The following SARM1 variants were observed in gnomAD, a reference collection of about 807,000 sequenced individuals.
The protein encoded by SARM1 is sterile alpha and TIR motif containing 1, also known as NAD(+) hydrolase SARM1.
In SARM1, 60 loss-of-function variants were observed where a neutral mutation model predicts 65.1. The observed-to-expected ratio is 0.92, with a 90% CI of 0.75 to 1.14. The LOEUF (loss-of-function observed/expected upper bound fraction) is 1.14, where lower values mean the gene tolerates loss of function less well. Among genes scored for constraint, SARM1 ranks in the 50% most tolerant of loss-of-function variants. SARM1 has a pLI of 0.00. For missense variants in SARM1, 913 were observed against 1,015.7 expected (o/e 0.90, Z 1.37); for synonymous variants, 417 against 465.4 (o/e 0.90, Z 1.34).
chr17:28,397,247 C>G lies in SARM1; in HGVS notation c.*961C>G, dbSNP rs1202805090. 1 of 152,582 alleles carries G rather than the reference C, an allele frequency of 6.6e-6. No homozygotes were observed. The highest frequency in any genetic ancestry group is 1.5e-5 in the Non-Finnish European group (1 of 68,092). The allele number at this position is 152,582 out of a possible 1,614,324, so 9.5% of individuals were successfully genotyped here. On this transcript the variant is annotated 3_prime_UTR_variant, in exon 9 of 9. Coordinates refer to ENST00000585482, the MANE Select transcript of SARM1 (RefSeq NM_015077.4). The stretch of plus-strand genomic sequence containing the variant: ...AAAGGCAAAGGGTTGTCACTTAGGG[C>G]AGCTTCTCCAACTTTAACATGCATC...
rs2068210927 is a variant in SARM1, at chr17:28,402,621, GCAGGGCA to G, written c.*6339_*6345del. ...CCACTTGGCACTTAGTAGGGATATGGCAGGGCACAGAAAACAAGCATGGGCTTTGGAG... is the reference window on the plus strand; with the variant it reads ...CCACTTGGCACTTAGTAGGGATATGGCAGAAAACAAGCATGGGCTTTGGAG... On this transcript the variant is annotated 3_prime_UTR_variant, in exon 9 of 9. Transcript: ENST00000585482. 2 of 266,754 alleles carry G rather than the reference GCAGGGCA, an allele frequency of 7.5e-6. No individual in the cohort carries two copies. 16.5% of individuals were successfully genotyped at this position (266,754 alleles called of 1,614,324 possible).
At chr17:28,389,921 C>A (rs1555586660) in intron 7 of SARM1, among the ~76,000 whole-genome samples, 1 of 152,124 alleles carries the variant, frequency 6.6e-6, no homozygotes, top group Non-Finnish European at 1.5e-5. Flanking sequence ...GCCAGGTAAG[C>A]AAACATCTTG....
In SARM1 at chr17:28,372,008, G is replaced by T. The variant is rs2067957607; in HGVS notation, c.-25G>T. On this transcript the variant is annotated 5_prime_UTR_variant, in exon 1 of 9. Transcript: ENST00000585482. The surrounding 1 kb of genome is among the most constrained non-coding windows in gnomAD (Gnocchi z 5.2). ...CCGCGTGGCCCCGCCTCCAGGCCGG[G>T]GATGTCCCCCGCGGCCCCGCGCCCA... The T allele has an allele frequency of 2.1e-6, 3 of 1,459,064 alleles. No individual in the cohort carries two copies. The highest frequency in any genetic ancestry group is 5.8e-5 in the East Asian group (2 of 34,584). The allele number at this position is 1,459,064 out of a possible 1,614,324, so 90.4% of individuals were successfully genotyped here. A position where few individuals can be genotyped will look rare whatever the true frequency, so the allele number is the denominator to read the frequency against.
intron 1 of SARM1, chr17:28,374,136 G>A (rs990352122): frequency 1.3e-5 from 2 of 151,916 alleles, no homozygotes; most frequent in African/African-American, 4.8e-5. Flanking sequence ...AATTAGCTGG[G>A]CATGGTGGCG....
chr17:28,384,749 C>T lies in SARM1; in HGVS notation c.1303-90C>T. On this transcript the variant is annotated intron_variant, in intron 3 of 8. Coordinates refer to ENST00000585482, the MANE Select transcript of SARM1 (RefSeq NM_015077.4). The surrounding 1 kb of genome is among the most constrained non-coding windows in gnomAD (Gnocchi z 4.4). ...ATCTAGGTCCCATCCGCCTCCTCCA[C>T]GCCATCTCCAGTTCCTTCCCTTGCA... 3 of 1,322,474 alleles carry T rather than the reference C, an allele frequency of 2.3e-6. No homozygotes were observed. The highest frequency in any genetic ancestry group is 2.5e-5 in the East Asian group (1 of 39,792). The allele number at this position is 1,322,474 out of a possible 1,614,324, so 81.9% of individuals were successfully genotyped here.
In SARM1 at chr17:28,384,611, C is replaced by A. The variant is rs370563971; in HGVS notation, c.1302+42C>A. On this transcript the variant is annotated intron_variant, in intron 3 of 8. Transcript: ENST00000585482. The surrounding 1 kb of genome is among the most constrained non-coding windows in gnomAD (Gnocchi z 4.4). ...TACGCCTCCCCCGAGTCAGAGCGGGCGCCCTGTGCACAGGGACTGCGTTCC... is the reference window on the plus strand; with the variant it reads ...TACGCCTCCCCCGAGTCAGAGCGGGAGCCCTGTGCACAGGGACTGCGTTCC... 3 of 1,518,274 alleles carry A rather than the reference C, an allele frequency of 2.0e-6. No individual in the cohort carries two copies. The highest frequency in any genetic ancestry group is 2.7e-6 in the Non-Finnish European group (3 of 1,124,108). The allele number at this position is 1,518,274 out of a possible 1,614,324, so 94.1% of individuals were successfully genotyped here.
intron 1 of SARM1, among the ~76,000 whole-genome samples, chr17:28,377,260 T>C (rs2067997184): frequency 6.6e-6 from 1 of 152,144 alleles, no homozygotes; most frequent in South Asian, 2.1e-4. Context: ...GGGCATGTCA[T>C]GTACCCTCTC....
intron 7 of SARM1, among the ~76,000 whole-genome samples, chr17:28,390,119 G>T (rs1033231663): frequency 6.6e-6 from 1 of 152,192 alleles, no homozygotes; most frequent in Non-Finnish European, 1.5e-5. Context: ...ATACATTTAA[G>T]ATGTACATTG....
At position 28,384,861 on chromosome 17, in the gene SARM1, T is replaced by C; in HGVS notation, c.1325T>C (p.Leu442Pro). The change falls in exon 4 of 9, where the codon CTG becomes CCG. Residue 442 changes from leucine (L) to proline (P), a missense_variant. Leu to Pro is a moderately conservative substitution (Grantham distance 98). Transcript: ENST00000585482. This position sits in a 1 kb window ranked among gnomAD's most constrained non-coding sequence, Gnocchi z 4.4. ...CAGGAGCAGCAGGTGGATGGCGACCTGCTTCTGCGGCTCACGGAGGAGGAA... is the reference window on the plus strand; with the variant it reads ...CAGGAGCAGCAGGTGGATGGCGACCCGCTTCTGCGGCTCACGGAGGAGGAA... ...SFREQQVDGD[L>P]LLRLTEEELQ... The C allele has an allele frequency of 1.9e-6, 3 of 1,555,746 alleles. No individual in the cohort carries two copies. Among genetic ancestry groups the C allele is most frequent in the Non-Finnish European group, 8.7e-7 (1 of 1,149,406 alleles).
rs2068176007 is a variant in SARM1 at position 28,399,928 on chromosome 17, C to T, written c.*3642C>T. 1.8e-6 allele frequency: 1 copy of T among 550,436 alleles called. No individual in the cohort carries two copies. Among genetic ancestry groups the T allele is most frequent in the African/African-American group, 1.9e-5 (1 of 52,678 alleles). The allele number at this position is 550,436 out of a possible 1,614,324, so 34.1% of individuals were successfully genotyped here. ...TTTTTTTAAGAGACAGGGTCTTGCTCTGTTGTCCAGGCTGGAGGGCAGTGA... is the reference window on the plus strand; with the variant it reads ...TTTTTTTAAGAGACAGGGTCTTGCTTTGTTGTCCAGGCTGGAGGGCAGTGA... On this transcript the variant is annotated 3_prime_UTR_variant, in exon 9 of 9. Coordinates refer to ENST00000585482, the MANE Select transcript of SARM1 (RefSeq NM_015077.4).
chr17:28,388,598 G>A, intron 7 of SARM1, 59 bp downstream of exon 7: 3 of 1,536,032 alleles, frequency 2.0e-6, no homozygotes, highest in South Asian at 1.2e-5. Flanking sequence ...AGAAGATAGG[G>A]TCGTCTTCTA....
rs1555585836 is a variant in SARM1, at chr17:28,385,160, G to A, written c.1515G>A (p.Leu505=). 6 of 1,612,176 alleles carry A rather than the reference G, an allele frequency of 3.7e-6. No individual in the cohort carries two copies. Among genetic ancestry groups the A allele is most frequent in the Non-Finnish European group, 4.2e-6 (5 of 1,179,566 alleles). ...DPRFRQYTYG[L]VSCGLDRSLL... ...GCTTCCGCCAGTACACCTACGGCCT[G>A]GTCAGCTGCGGCCTGGACCGCTCCC... The change falls in exon 5 of 9, where the codon CTG becomes CTA. Residue 505 remains leucine, a synonymous_variant. Coordinates refer to ENST00000585482, the MANE Select transcript of SARM1 (RefSeq NM_015077.4). This position sits in a 1 kb window ranked among gnomAD's most constrained non-coding sequence, Gnocchi z 4.5.
At chr17:28,375,915 G>GA in intron 1 of SARM1, among the ~76,000 whole-genome samples, 1 of 152,302 alleles carries the variant, frequency 6.6e-6, no homozygotes, top group East Asian at 1.9e-4. Flanking sequence ...CTTCCAGAGA[G>GA]AGTCTCTGCA....
rs1190864414 is a variant in SARM1 at position 28,372,696 on chromosome 17, C to T, written c.470+194C>T. ...CCTTGGGAAAGTTTAGTGACTTGCT[C>T]AGTGGATCACAGTGAACTAAGATTT... On this transcript the variant is annotated intron_variant, in intron 1 of 8. Transcript: ENST00000585482. This position sits in a 1 kb window ranked among gnomAD's most constrained non-coding sequence, Gnocchi z 5.2. 6.6e-6 allele frequency among the ~76,000 whole-genome samples: 1 copy of T among 152,204 alleles called. No homozygotes were observed. The highest frequency in any genetic ancestry group is 1.5e-5 in the Non-Finnish European group (1 of 68,048).
In SARM1 at chr17:28,371,941, C is replaced by T; in HGVS notation, c.-92C>T. The T allele has an allele frequency of 4.3e-6, 4 of 940,626 alleles. No homozygotes were observed. Among genetic ancestry groups the T allele is most frequent in the Non-Finnish European group, 4.4e-6 (3 of 679,468 alleles). 58.3% of individuals were successfully genotyped at this position (940,626 alleles called of 1,614,324 possible). ...TTCCTCCCCCTCCATCTTCTTTCCC[C>T]GACCCCTCTCGGGTCCCTCTTTTCC... On this transcript the variant is annotated 5_prime_UTR_variant, in exon 1 of 9. Coordinates refer to ENST00000585482, the MANE Select transcript of SARM1 (RefSeq NM_015077.4).
In SARM1 at chr17:28,384,608, G is replaced by C. The variant is rs560564309; in HGVS notation, c.1302+39G>C. 129 of 1,527,998 alleles carry C rather than the reference G, an allele frequency of 8.4e-5. 1 individual carries two copies. In the South Asian group the frequency reaches 1.5e-3, roughly 18 times the overall value. The allele number at this position is 1,527,998 out of a possible 1,614,324, so 94.7% of individuals were successfully genotyped here. A position where few individuals can be genotyped will look rare whatever the true frequency, so the allele number is the denominator to read the frequency against. ...GGATACGCCTCCCCCGAGTCAGAGC[G>C]GGCGCCCTGTGCACAGGGACTGCGT... is the stretch of plus-strand genomic sequence containing the variant. On this transcript the variant is annotated intron_variant, in intron 3 of 8. Transcript: ENST00000585482. This position sits in a 1 kb window ranked among gnomAD's most constrained non-coding sequence, Gnocchi z 4.4.
chr17:28,392,618 T>A (rs1435928111), intron 7 of SARM1, among the ~76,000 whole-genome samples: 2 of 152,086 alleles, frequency 1.3e-5, no homozygotes, highest in Non-Finnish European at 2.9e-5. Flanking sequence ...GAGGCTTGAG[T>A]CAGAGGACCG....
rs539075656 is a variant in SARM1 at position 28,384,890 on chromosome 17, C to T, written c.1354C>T (p.Gln452Ter). Reference sequence around the variant, plus strand: ...TCTGCGGCTCACGGAGGAGGAACTCCAGACCGACCTGGGCATGAAATCGGG... The same window carrying T: ...TCTGCGGCTCACGGAGGAGGAACTCTAGACCGACCTGGGCATGAAATCGGG... ...LLLRLTEEEL[Q>*]TDLGMKSGIT... Residue 452 changes from glutamine (Q) to a stop codon, truncating the protein, a stop_gained, in exon 4 of 9, where the codon CAG becomes TAG. Coordinates refer to ENST00000585482, the MANE Select transcript of SARM1 (RefSeq NM_015077.4). LOFTEE classifies it high-confidence loss of function. This position sits in a 1 kb window ranked among gnomAD's most constrained non-coding sequence, Gnocchi z 4.4. 8 of 1,561,854 alleles carry T rather than the reference C, an allele frequency of 5.1e-6. No homozygotes were observed. The South Asian group carries it at 8.3e-5, about 16-fold the overall frequency.
chr17:28,386,755 T>G (rs1454776370), intron 5 of SARM1: 1 of 152,208 alleles, frequency 6.6e-6, no homozygotes, highest in Non-Finnish European at 1.5e-5. Context: ...AATTAATTAA[T>G]TTGAGACAAG....
Sources: allele counts gnomAD v4.1 joint callset (sites outside exome capture counted in the v4.1 genomes callset), GRCh38; gene constraint gnomAD v4.1.1; non-coding constraint Gnocchi (gnomAD v3.1); transcripts MANE v1.5; gene names NCBI Gene and HGNC (gene_info 2026-07-23, HGNC 2026-07-21).